The following MEIS3 variants were observed in gnomAD, a reference collection of about 807,000 sequenced individuals.
MEIS3 encodes homeobox protein Meis3.
A neutral mutation model predicts 51.4 loss-of-function variants in MEIS3; 38 were observed. The ratio of observed to expected loss-of-function variants is 0.74; its 90% CI spans 0.57 to 0.97. MEIS3 has a LOEUF of 0.97. MEIS3 is among the 50% of genes least tolerant of loss of function. The probability of loss-of-function intolerance (pLI) is 0.00; values close to 1 mark genes in which losing one functional copy is unlikely to be tolerated. For synonymous variants in MEIS3, 198 were observed against 201.8 expected (o/e 0.98, Z 0.16); for missense variants, 456 against 502.6 (o/e 0.91, Z 0.89).
chr19:47,406,797 C>G (rs1268065011), intron 11 of MEIS3, 91 bp downstream of exon 11: 1 of 1,220,946 alleles, frequency 8.2e-7, no homozygotes, highest in Non-Finnish European at 1.1e-6. Context: ...ACACTGTATT[C>G]CGCTTGAATT....
rs770774384 is a variant in MEIS3 at position 47,406,944 on chromosome 19, C to T, written c.1022G>A (p.Gly341Asp). The change falls in exon 11 of 13, where the codon GGC becomes GAC. Residue 341 changes from glycine (G) to aspartate (D), a missense_variant. By Grantham distance (94) the Gly-to-Asp change is moderately conservative. Coordinates refer to ENST00000558555, the MANE Select transcript of MEIS3 (RefSeq NM_001301059.2). The stretch of plus-strand genomic sequence containing the variant: ...CTCGGTATAGCCCCCGATGGGCTGG[C>T]CCTCTGGGCTGAAGGCTGCACCCTG... ...TGQGAAFSPE[G>D]QPIGGYTETQ... 3 of 1,578,150 alleles carry T rather than the reference C, an allele frequency of 1.9e-6. No homozygotes were observed. The South Asian group carries it at 3.5e-5, about 18-fold the overall frequency.
upstream of MEIS3, among the ~76,000 whole-genome samples, chr19:47,420,940 ACTCTCTCT>A (rs71180840): frequency 0.011 from 1,002 of 90,984 alleles, 21 homozygotes; most frequent in African/African-American, 0.048. Flanking sequence ...ACACACACAC[ACTCTCTCT>A]CTCTCTCTCT....
chr19:47,407,192 C>T (rs1248762758), intron 9 of MEIS3, 55 bp from the exon 10 acceptor site: 1 of 1,568,354 alleles, frequency 6.4e-7, no homozygotes, highest in East Asian at 2.3e-5. Flanking sequence ...GGGAGAGAGG[C>T]CAAGACGAAC....
chr19:47,420,920 A>T (rs1250351475), upstream of MEIS3, among the ~76,000 whole-genome samples: 2 of 106,896 alleles, frequency 1.9e-5, no homozygotes, highest in Non-Finnish European at 1.9e-5. Flanking sequence ...TCACACACAC[A>T]CACACACACA....
chr19:47,415,493 T>C (rs1359499541), intron 4 of MEIS3, among the ~76,000 whole-genome samples: 1 of 151,276 alleles, frequency 6.6e-6, no homozygotes, highest in African/African-American at 2.4e-5. Flanking sequence ...GTTTGGCCAA[T>C]AGGAAGCCCT....
upstream of MEIS3, among the ~76,000 whole-genome samples, chr19:47,420,911 C>CAT (rs1971688145): frequency 6.2e-4 from 16 of 25,912 alleles, no homozygotes; most frequent in South Asian, 0.027. Context: ...CTCTCTCTCT[C>CAT]ACACACACAC....
chr19:47,407,320 G>C, intron 9 of MEIS3, 32 bp downstream of exon 9: 2 of 1,603,454 alleles, frequency 1.2e-6, no homozygotes, highest in East Asian at 4.5e-5. Context: ...TCTCGCCCCG[G>C]GCCGGCCCGC....
chr19:47,417,647 G>A (rs553686617), intron 1 of MEIS3: 6 of 702,902 alleles, frequency 8.5e-6, no homozygotes, highest in Admixed American at 2.0e-5. Flanking sequence ...AGAAAGTGGC[G>A]TGAGAAGACA....
chr19:47,415,115 C>T lies in MEIS3; in HGVS notation c.397-14G>A, dbSNP rs569993736. ...GGCCTGGATCATCTGAAAACGTGGG[C>T]GGGAGGTGGGGGGAGACAGAGGGAA... On this transcript the variant is annotated splice_polypyrimidine_tract_variant and intron_variant, in intron 4 of 12. Transcript: ENST00000558555. 18 of 531,488 alleles carry T rather than the reference C, an allele frequency of 3.4e-5. No homozygotes were observed. Among genetic ancestry groups the T allele is most frequent in the Middle Eastern group, 7.8e-4 (1 of 1,286 alleles). 32.9% of individuals were successfully genotyped at this position (531,488 alleles called of 1,614,324 possible). A position where few individuals can be genotyped will look rare whatever the true frequency, so the allele number is the denominator to read the frequency against.
chr19:47,420,753 G>A (rs1368147949), upstream of MEIS3, among the ~76,000 whole-genome samples: 2 of 151,168 alleles, frequency 1.3e-5, no homozygotes, highest in African/African-American at 4.9e-5. Context: ...AAGTGTGTGG[G>A]AGAGAAATTG....
chr19:47,420,910 T>TCTCACACACACACA (rs1457117398), upstream of MEIS3, among the ~76,000 whole-genome samples: 1 of 70,786 alleles, frequency 1.4e-5, no homozygotes, highest in South Asian at 7.3e-4. Flanking sequence ...TCTCTCTCTC[T>TCTCACACACACACA]CACACACACA....
intron 6 of MEIS3, 137 bp downstream of exon 6, chr19:47,414,580 G>T: frequency 1.0e-6 from 1 of 990,256 alleles, no homozygotes; most frequent in Non-Finnish European, 1.5e-6. Flanking sequence ...TGGGTGTGTG[G>T]CTGTGTGCAT....
At chr19:47,415,180 A>G (rs945795694) in intron 4 of MEIS3, 79 bp from the exon 5 acceptor site, 4 of 858,278 alleles carry the variant, frequency 4.7e-6, no homozygotes, top group East Asian at 2.6e-5. Context: ...AGAGGAAGAG[A>G]AGGAGGAAGA....
intron 1 of MEIS3, chr19:47,417,966 G>A: frequency 4.1e-6 from 2 of 485,674 alleles, no homozygotes; most frequent in Non-Finnish European, 7.2e-6. Flanking sequence ...CCAACACCAG[G>A]CACAAGAATG....
In MEIS3 at chr19:47,419,285, C is replaced by A. The variant is rs1170788631; in HGVS notation, c.-204G>T. 4 of 252,444 alleles carry A rather than the reference C, an allele frequency of 1.6e-5. No homozygotes were observed. Among genetic ancestry groups the A allele is most frequent in the African/African-American group, 2.3e-5 (1 of 43,194 alleles). The allele number at this position is 252,444 out of a possible 1,614,324, so 15.6% of individuals were successfully genotyped here. On this transcript the variant is annotated 5_prime_UTR_variant, in exon 1 of 13. Coordinates refer to ENST00000558555, the MANE Select transcript of MEIS3 (RefSeq NM_001301059.2). ...CTCCGCGCATGGACCCCGGCCCCCG[C>A]CCCCAGCGGGGGTCACGGCCAGGAG...
At chr19:47,411,212 A>T (rs1338524203) in intron 6 of MEIS3, among the ~76,000 whole-genome samples, 1 of 152,142 alleles carries the variant, frequency 6.6e-6, no homozygotes, top group African/African-American at 2.4e-5. Flanking sequence ...CTTGGATAAC[A>T]GGCGTGAGCC....
chr19:47,417,480 C>T (rs1390782645), intron 1 of MEIS3, 130 bp from the exon 2 acceptor site: 7 of 1,166,834 alleles, frequency 6.0e-6, no homozygotes, highest in Admixed American at 2.0e-5. Context: ...GCCTGTGGTC[C>T]CCAGGTGTCT....
In MEIS3 at chr19:47,409,259, C is replaced by A. The variant is rs368254879; in HGVS notation, c.710-12G>T. 6.2e-7 allele frequency: 1 copy of A among 1,604,018 alleles called. No individual in the cohort carries two copies. Among genetic ancestry groups the A allele is most frequent in the Admixed American group, 1.7e-5 (1 of 58,004 alleles). On this transcript the variant is annotated splice_polypyrimidine_tract_variant and intron_variant, in intron 7 of 12. Coordinates refer to ENST00000558555, the MANE Select transcript of MEIS3 (RefSeq NM_001301059.2). ...GTCCAGCCCGTCTCCTGAGGGAAGG[C>A]AGGCATGCTGTGTGTGTGGGTAGTG...
At chr19:47,417,403 CG>C (rs1971496115) in intron 1 of MEIS3, 53 bp from the exon 2 acceptor site, 13 of 1,600,716 alleles carry the variant, frequency 8.1e-6, no homozygotes, top group African/African-American at 5.4e-5. Flanking sequence ...GTCAGCACCC[CG>C]AGACTCGGCT....
Sources: gnomAD v4.1 joint callset for allele counts (sites outside exome capture counted in the v4.1 genomes callset) on GRCh38, gnomAD v4.1.1 for gene constraint, MANE v1.5 for transcripts, NCBI Gene and HGNC (gene_info 2026-07-23, HGNC 2026-07-21) for gene names.